Variants in EBNA1BP2 observed in about 807,000 individuals in gnomAD.
EBNA1BP2 encodes probable rRNA-processing protein EBP2.
Under a neutral mutation model 43.5 loss-of-function variants are expected in EBNA1BP2, and 36 were observed. The ratio of observed to expected loss-of-function variants is 0.83; its 90% CI spans 0.63 to 1.09. The LOEUF is 1.09. EBNA1BP2 is among the 50% of genes least tolerant of loss of function. The pLI is 0.00. For missense variants in EBNA1BP2, 332 were observed against 379.1 expected, an observed-to-expected ratio of 0.88 and a Z score of 1.03; for synonymous variants, 127 against 141.3, an observed-to-expected ratio of 0.90 and a Z score of 0.72.
intron 3 of EBNA1BP2, 118 bp from the exon 4 acceptor site, chr1:43,170,997 G>T: frequency 7.3e-7 from 1 of 1,377,880 alleles, no homozygotes; most frequent in Non-Finnish European, 9.5e-7. Flanking sequence ...ACCTCCATTA[G>T]CAAGAACAAA....
chr1:43,169,196 C>T lies in EBNA1BP2; in HGVS notation c.448-168G>A, dbSNP rs11210797. On this transcript the variant is annotated intron_variant, in intron 4 of 8. Coordinates refer to ENST00000236051, the MANE Select transcript of EBNA1BP2 (RefSeq NM_006824.3). Reference sequence around the variant, plus strand: ...GGGGCCCACAGGCTGAGCACTTTACCAAAAGTGCCAGAGTGAAGCCAGAGA... The same window carrying T: ...GGGGCCCACAGGCTGAGCACTTTACTAAAAGTGCCAGAGTGAAGCCAGAGA... Among the ~76,000 whole-genome samples, 30,624 of 152,064 alleles carry T rather than the reference C, an allele frequency of 0.2. 3,579 individuals are homozygous for T. The highest frequency in any genetic ancestry group is 0.3 in the Middle Eastern group (87 of 294).
In EBNA1BP2 at chr1:43,172,277, C is replaced by T. The variant is rs1470259797; in HGVS notation, c.-159G>A. 67 of 1,552,768 alleles carry T rather than the reference C, an allele frequency of 4.3e-5. No homozygotes were observed. The highest frequency in any genetic ancestry group is 5.7e-5 in the Non-Finnish European group (65 of 1,147,478). ...CCGAATCGCTCCAGCGCCAGCAACT[C>T]ACAGCTACTGCTCAACTTTTGATTG... is the stretch of plus-strand genomic sequence containing the variant. On this transcript the variant is annotated 5_prime_UTR_variant, in exon 1 of 9. Coordinates refer to ENST00000236051, the MANE Select transcript of EBNA1BP2 (RefSeq NM_006824.3).
intron 3 of EBNA1BP2, chr1:43,171,081 G>T: frequency 1.5e-6 from 1 of 678,588 alleles, no homozygotes; most frequent in South Asian, 2.9e-5. Context: ...AAAGGGGAGG[G>T]GTGTTGCTAA....
chr1:43,164,524 C>T (rs1347710575), intron 8 of EBNA1BP2, 31 bp from the exon 9 acceptor site: 1 of 1,614,148 alleles, frequency 6.2e-7, no homozygotes, highest in Non-Finnish European at 8.5e-7. Context: ...CATCTGGTCA[C>T]ATAGCAGCTT....
In EBNA1BP2 at chr1:43,164,280, A is replaced by T; in HGVS notation, c.*163T>A. On this transcript the variant is annotated 3_prime_UTR_variant, in exon 9 of 9. Coordinates refer to ENST00000236051, the MANE Select transcript of EBNA1BP2 (RefSeq NM_006824.3). ...ATGGAAAGTAACTTCTCAATCTTTTAGTCTAGACTATTTAACCAAAGGTAT... is the reference window on the plus strand; with the variant it reads ...ATGGAAAGTAACTTCTCAATCTTTTTGTCTAGACTATTTAACCAAAGGTAT... 1 of 728,096 alleles carries T rather than the reference A, an allele frequency of 1.4e-6. No individual in the cohort carries two copies. Among genetic ancestry groups the T allele is most frequent in the Non-Finnish European group, 2.2e-6 (1 of 445,064 alleles). The allele number at this position is 728,096 out of a possible 1,614,324, so 45.1% of individuals were successfully genotyped here. A position where few individuals can be genotyped will look rare whatever the true frequency, so the allele number is the denominator to read the frequency against.
Position 43,164,316 on chromosome 1 carries a change from A to G in EBNA1BP2, c.*127T>C. 9.1e-7 allele frequency: 1 copy of G among 1,103,194 alleles called. No individual in the cohort carries two copies. Among genetic ancestry groups the G allele is most frequent in the South Asian group, 1.4e-5 (1 of 68,992 alleles). 68.3% of individuals were successfully genotyped at this position (1,103,194 alleles called of 1,614,324 possible). On this transcript the variant is annotated 3_prime_UTR_variant, in exon 9 of 9. Transcript: ENST00000236051. ...TTTAACCAAAGGTATGTGTTCCTTT[A>G]ATAATTTTTCTTTAGTTTATTGAAA... is the stretch of plus-strand genomic sequence containing the variant.
chr1:43,167,035 C>T, intron 6 of EBNA1BP2, 116 bp from the exon 7 acceptor site: 1 of 1,480,520 alleles, frequency 6.8e-7, no homozygotes, highest in Non-Finnish European at 9.4e-7. Context: ...TCCTGCTCTC[C>T]AACACCATTC....
chr1:43,172,488 C>G (rs1569744750), upstream of EBNA1BP2: 1 of 1,485,506 alleles, frequency 6.7e-7, no homozygotes, highest in Non-Finnish European at 9.0e-7. Context: ...CCAGAAGGAG[C>G]TGGTAGCAGT....
chr1:43,172,479 C>T, upstream of EBNA1BP2: 2 of 1,533,454 alleles, frequency 1.3e-6, no homozygotes, highest in Admixed American at 4.0e-5. Context: ...TGGGGGTCGC[C>T]AGAAGGAGCT....
At position 43,166,932 on chromosome 1, in the gene EBNA1BP2, A is replaced by T. The variant is rs373973548; in HGVS notation, c.614-13T>A. ...TTATCAGAGAAGCCTGTAAGTGAAG[A>T]AGTAGTTTTGATCAGCACCATTGTA... On this transcript the variant is annotated splice_polypyrimidine_tract_variant and intron_variant, in intron 6 of 8. Transcript: ENST00000236051. 6.2e-7 allele frequency: 1 copy of T among 1,611,260 alleles called. No individual in the cohort carries two copies.
chr1:43,170,050 C>T (rs779848943), intron 4 of EBNA1BP2, among the ~76,000 whole-genome samples: 24 of 152,154 alleles, frequency 1.6e-4, no homozygotes, highest in South Asian at 4.1e-4. Context: ...AGTGCCAGAC[C>T]GCTTCTTTAA....
At chr1:43,169,470 T>C (rs1040892847) in intron 4 of EBNA1BP2, among the ~76,000 whole-genome samples, 10 of 152,150 alleles carry the variant, frequency 6.6e-5, no homozygotes, top group Non-Finnish European at 1.3e-4. Flanking sequence ...AAGTTGTCAG[T>C]GAGAATTTGT....
Position 43,164,914 on chromosome 1 carries a change from G to A in EBNA1BP2, c.708-109C>T, listed in dbSNP as rs148849429. On this transcript the variant is annotated intron_variant, in intron 7 of 8. Coordinates refer to ENST00000236051, the MANE Select transcript of EBNA1BP2 (RefSeq NM_006824.3). ...TCTATAAGCAAAGCCCCTTAGGCACGTCTGTAACCCAGAATCTCATCCTTG... is the reference window on the plus strand; with the variant it reads ...TCTATAAGCAAAGCCCCTTAGGCACATCTGTAACCCAGAATCTCATCCTTG... 740 of 1,368,212 alleles carry A rather than the reference G, an allele frequency of 5.4e-4. 1 individual carries two copies. The African/African-American group carries it at 9.0e-3, about 17-fold the overall frequency. The allele number at this position is 1,368,212 out of a possible 1,614,324, so 84.8% of individuals were successfully genotyped here.
chr1:43,165,510 T>G (rs1333398290), intron 7 of EBNA1BP2, among the ~76,000 whole-genome samples: 2 of 152,232 alleles, frequency 1.3e-5, no homozygotes, highest in Non-Finnish European at 1.5e-5. Flanking sequence ...TAAATGTTTC[T>G]TCAATCCTTA....
chr1:43,172,511 G>T, upstream of EBNA1BP2: 1 of 1,288,640 alleles, frequency 7.8e-7, no homozygotes. Context: ...GGGTACAAAG[G>T]AAAAGGCAGA....
chr1:43,164,679 G>C lies in EBNA1BP2; in HGVS notation c.834C>G (p.Gly278=). The C allele has an allele frequency of 6.2e-7, 1 of 1,614,198 alleles. No individual in the cohort carries two copies. The highest frequency in any genetic ancestry group is 1.3e-5 in the African/African-American group (1 of 75,044). The change falls in exon 8 of 9, where the codon GGC becomes GGG. Residue 278 remains glycine, a synonymous_variant. Coordinates refer to ENST00000236051, the MANE Select transcript of EBNA1BP2 (RefSeq NM_006824.3). ...VSSFRAKTAH[G]RGLKRPGKKG... ...TCTTGCCAGGCCTCTTGAGGCCTCTGCCATGAGCTGTCTTGGCCCGGAAGC... is the reference window on the plus strand; with the variant it reads ...TCTTGCCAGGCCTCTTGAGGCCTCTCCCATGAGCTGTCTTGGCCCGGAAGC...
Position 43,171,986 on chromosome 1 carries a change from C to T in EBNA1BP2, c.67-17G>A, listed in dbSNP as rs1644983246. ...ATCCTGCAACTGCAGGACACAATCACGGTCACTCCCAGGGGTGTAAGGCCC... is the reference window on the plus strand; with the variant it reads ...ATCCTGCAACTGCAGGACACAATCATGGTCACTCCCAGGGGTGTAAGGCCC... On this transcript the variant is annotated splice_polypyrimidine_tract_variant and intron_variant, in intron 1 of 8. Transcript: ENST00000236051. 2 of 1,614,152 alleles carry T rather than the reference C, an allele frequency of 1.2e-6. No individual in the cohort carries two copies. Among genetic ancestry groups the T allele is most frequent in the Non-Finnish European group, 1.7e-6 (2 of 1,180,004 alleles).
At chr1:43,164,180 G>A (rs1370599707), downstream of EBNA1BP2, 11 of 481,554 alleles carry the variant, frequency 2.3e-5, no homozygotes, top group Non-Finnish European at 3.7e-5. Flanking sequence ...GAAATGAGAA[G>A]GTGTCAGTTA....
Position 43,166,826 on chromosome 1 carries a change from C to T in EBNA1BP2, c.707G>A (p.Gly236Glu). 1 of 1,610,108 alleles carries T rather than the reference C, an allele frequency of 6.2e-7. No individual in the cohort carries two copies. The highest frequency in any genetic ancestry group is 1.1e-5 in the South Asian group (1 of 90,318). Reference sequence around the variant, plus strand: ...GAAACCATGCCAAAACCCTTCTCACCCCTTCCTCATCTGCTGGCCTTTGGC... The same window carrying T: ...GAAACCATGCCAAAACCCTTCTCACTCCTTCCTCATCTGCTGGCCTTTGGC... ...AGAKGQQMRK[G>E]PSAKRRYKNQ... The change falls in exon 7 of 9, where the codon GGG (glycine) becomes GAG (glutamate). Residue 236 changes from glycine (G) to glutamate (E), a missense_variant and splice_region_variant. Around this residue, in one of 3 missense-constraint regions of EBNA1BP2, gnomAD observed 91 missense variants for 152.1 expected, o/e 0.60. Coordinates refer to ENST00000236051, the MANE Select transcript of EBNA1BP2 (RefSeq NM_006824.3).
Sources: gnomAD v4.1 joint callset for allele counts (sites outside exome capture counted in the v4.1 genomes callset) on GRCh38, gnomAD v4.1.1 for gene constraint, gnomAD v4.1.1 regional missense constraint, MANE v1.5 for transcripts, NCBI Gene and HGNC (gene_info 2026-07-23, HGNC 2026-07-21) for gene names.